The following PCDH15 variants were observed in gnomAD, a reference collection of about 807,000 sequenced individuals.
The protein encoded by PCDH15 is protocadherin related 15, also known as protocadherin-15.
Under a neutral mutation model 178.5 loss-of-function variants are expected in PCDH15, and 129 were observed. The observed-to-expected ratio is 0.72, with a 90% CI of 0.63 to 0.84. The LOEUF (loss-of-function observed/expected upper bound fraction) is 0.84. Ranked by LOEUF, PCDH15 falls within the 40% of genes least tolerant of loss-of-function variation. PCDH15 has a pLI of 0.00. For synonymous variants in PCDH15, 800 were observed against 732.0 expected, an observed-to-expected ratio of 1.09 and a Z score of -1.50; for missense variants, 2,230 against 2,099.9, an observed-to-expected ratio of 1.06 and a Z score of -1.21.
chr10:53,928,553 T>A (rs1239419226), intron 25 of PCDH15, among the ~76,000 whole-genome samples: 1 of 152,058 alleles, frequency 6.6e-6, no homozygotes, highest in Middle Eastern at 3.2e-3. Flanking sequence ...ATTTTATGCT[T>A]ATGTTATTCA....
chr10:55,122,916 C>T (rs948244273), intron 2 of PCDH15, among the ~76,000 whole-genome samples: 3 of 152,036 alleles, frequency 2.0e-5, no homozygotes, highest in African/African-American at 7.2e-5. Flanking sequence ...TATGTATATT[C>T]ATGCTCAATG....
chr10:54,291,482 C>G (rs1267070277), intron 8 of PCDH15, among the ~76,000 whole-genome samples: 1 of 152,078 alleles, frequency 6.6e-6, no homozygotes, highest in African/African-American at 2.4e-5. Context: ...CAGAGCAGAA[C>G]TGAAGGAGAT....
chr10:54,604,757 G>A (rs2092678079), intron 2 of PCDH15, among the ~76,000 whole-genome samples: 1 of 151,728 alleles, frequency 6.6e-6, no homozygotes, highest in African/African-American at 2.4e-5. Flanking sequence ...TATTGATAGG[G>A]AAGGATTTAC....
intron 2 of PCDH15, among the ~76,000 whole-genome samples, chr10:55,401,625 T>A (rs1254286775): frequency 6.6e-6 from 1 of 151,406 alleles, no homozygotes; most frequent in Non-Finnish European, 1.5e-5. Context: ...TGTGTGTGTG[T>A]GTGTGTGTGT....
chr10:54,974,610 T>C (rs894617726), intron 2 of PCDH15, among the ~76,000 whole-genome samples: 1 of 152,012 alleles, frequency 6.6e-6, no homozygotes, highest in Non-Finnish European at 1.5e-5. Flanking sequence ...ACATTGAAAT[T>C]CCCTGGCCTT....
intron 2 of PCDH15, among the ~76,000 whole-genome samples, chr10:55,433,738 C>T (rs1351258133): frequency 2.0e-5 from 3 of 151,792 alleles, no homozygotes; most frequent in Non-Finnish European, 4.4e-5. Context: ...TTGCATTTCC[C>T]TAAACGTTCT....
At chr10:55,214,669 T>A (rs919559981) in intron 1 of PCDH15, among the ~76,000 whole-genome samples, 4 of 151,928 alleles carry the variant, frequency 2.6e-5, no homozygotes, top group African/African-American at 9.7e-5. Context: ...AAGAGATGGG[T>A]TCTTGCTACA....
At chr10:54,187,552 A>G (rs2048582948) in intron 11 of PCDH15, among the ~76,000 whole-genome samples, 1 of 151,912 alleles carries the variant, frequency 6.6e-6, no homozygotes, top group South Asian at 2.1e-4. Flanking sequence ...TATATTGGAT[A>G]AACAGAAACA....
intron 3 of PCDH15, among the ~76,000 whole-genome samples, chr10:54,420,593 G>A (rs1366700747): frequency 6.6e-6 from 1 of 152,060 alleles, no homozygotes; most frequent in African/African-American, 2.4e-5. Context: ...AAGGAGAGGA[G>A]TGACATGATT....
At chr10:55,111,380 T>C (rs891404491) in intron 2 of PCDH15, among the ~76,000 whole-genome samples, 1 of 152,198 alleles carries the variant, frequency 6.6e-6, no homozygotes, top group Non-Finnish European at 1.5e-5. Context: ...AATAAATTTG[T>C]CTTCTGAATT....
intron 2 of PCDH15, among the ~76,000 whole-genome samples, chr10:54,965,731 C>T (rs539558185): frequency 6.6e-6 from 1 of 150,454 alleles, no homozygotes; most frequent in South Asian, 2.1e-4. Context: ...AACATTTCCT[C>T]ACTGGGGTAA....
At chr10:53,953,512 A>C (rs541468424) in intron 23 of PCDH15, among the ~76,000 whole-genome samples, 2 of 152,120 alleles carry the variant, frequency 1.3e-5, no homozygotes, top group Non-Finnish European at 2.9e-5. Context: ...TCCTACCCTT[A>C]ATGATTATTG....
intron 1 of PCDH15, among the ~76,000 whole-genome samples, chr10:55,288,256 C>T (rs551291072): frequency 6.6e-6 from 1 of 150,548 alleles, no homozygotes; most frequent in South Asian, 2.1e-4. Flanking sequence ...ATTTGTTTAT[C>T]TAGTATCGAA....
intron 2 of PCDH15, among the ~76,000 whole-genome samples, chr10:54,564,516 T>C (rs1050996788): frequency 1.3e-5 from 2 of 152,202 alleles, no homozygotes; most frequent in East Asian, 3.9e-4. Context: ...CGGCACATTT[T>C]TTCTTACAAT....
At chr10:55,334,491 A>C (rs1267048401) in intron 2 of PCDH15, among the ~76,000 whole-genome samples, 1 of 149,658 alleles carries the variant, frequency 6.7e-6, no homozygotes, top group Non-Finnish European at 1.5e-5. Flanking sequence ...ATTTTTAGTA[A>C]AGACATGGCT....
intron 2 of PCDH15, among the ~76,000 whole-genome samples, chr10:55,567,911 G>T (rs1842334821): frequency 6.6e-6 from 1 of 151,648 alleles, no homozygotes; most frequent in South Asian, 2.1e-4. Flanking sequence ...AAATAAAACA[G>T]AAAATAATAA....
intron 3 of PCDH15, among the ~76,000 whole-genome samples, chr10:54,382,796 C>T (rs1017237975): frequency 2.6e-5 from 4 of 152,222 alleles, no homozygotes; most frequent in African/African-American, 9.6e-5. Flanking sequence ...CCTGGCTATG[C>T]TGTGTCTGGA....
At chr10:54,582,108 TA>T (rs978564478) in intron 2 of PCDH15, among the ~76,000 whole-genome samples, 9 of 151,874 alleles carry the variant, frequency 5.9e-5, no homozygotes, top group Non-Finnish European at 1.2e-4. Context: ...CACAGCAATA[TA>T]AAAAAATTTT....
chr10:54,969,395 T>G lies in PCDH15; in HGVS notation c.-79-71895A>C, dbSNP rs148839465. ...ACCAATGTAGAATTTTTCCATTCTG[T>G]GAATTAATTTTCCACCCTGGCCAGT... On this transcript the variant is annotated intron_variant, in intron 2 of 5. Transcript: ENST00000458638. Among the ~76,000 whole-genome samples the G allele has an allele frequency of 5.2e-3, 795 of 152,310 alleles. 5 individuals carry two copies. Among genetic ancestry groups the G allele is most frequent in the African/African-American group, 0.018 (759 of 41,584 alleles).
Sources: allele counts gnomAD v4.1 joint callset (sites outside exome capture counted in the v4.1 genomes callset), GRCh38; gene constraint gnomAD v4.1.1; transcripts MANE v1.5; gene names NCBI Gene and HGNC (gene_info 2026-07-23, HGNC 2026-07-21).